KCTD16: variants seen among roughly 807,000 people sequenced by gnomAD.
KCTD16 encodes potassium channel tetramerization domain containing 16.
KCTD16 carries 13 observed loss-of-function variants against 33.2 expected under a neutral mutation model. The observed-to-expected ratio is 0.39, with a 90% confidence interval of 0.25 to 0.62. The LOEUF (loss-of-function observed/expected upper bound fraction) is 0.62, where lower values mean the gene tolerates loss of function less well. Ranked by LOEUF, KCTD16 falls within the 20% of genes least tolerant of loss-of-function variation. The pLI is 0.50. For synonymous variants in KCTD16, 197 were observed against 195.3 expected, an observed-to-expected ratio of 1.01 and a Z score of -0.07; for missense variants, 441 against 525.1, an observed-to-expected ratio of 0.84 and a Z score of 1.57.
chr5:144,429,686 C>T (rs762175099), intron 3 of KCTD16, among the ~76,000 whole-genome samples: 26 of 151,926 alleles, frequency 1.7e-4, no homozygotes, highest in Non-Finnish European at 3.1e-4. Context: ...AGAAGCTATT[C>T]CTTAAGAAAA....
At chr5:144,360,876 CTTTT>C (rs199956652) in intron 3 of KCTD16, among the ~76,000 whole-genome samples, 2 of 150,782 alleles carry the variant, frequency 1.3e-5, no homozygotes, top group African/African-American at 4.9e-5. Context: ...GTACCTCTGT[CTTTT>C]TTTTTATTTT....
rs751036918 is a variant in KCTD16, at chr5:144,482,860, T to G, written c.*8746T>G. 6.6e-6 allele frequency: 1 copy of G among 151,722 alleles called. No individual in the cohort carries two copies. 9.4% of individuals were successfully genotyped at this position (151,722 alleles called of 1,614,324 possible). A position where few individuals can be genotyped will look rare whatever the true frequency, so the allele number is the denominator to read the frequency against. The stretch of plus-strand genomic sequence containing the variant: ...ATAAACAAAGCTCATAGTTTAAAAC[T>G]TTGGAATTTTCAGTTTGGAGAACTT... On this transcript the variant is annotated 3_prime_UTR_variant, in exon 4 of 4. Coordinates refer to ENST00000512467, the MANE Select transcript of KCTD16 (RefSeq NM_020768.4).
At chr5:144,397,090 C>G (rs1752586233) in intron 3 of KCTD16, among the ~76,000 whole-genome samples, 1 of 124,488 alleles carries the variant, frequency 8.0e-6, no homozygotes, top group Non-Finnish European at 1.6e-5. Context: ...CACCCCACAA[C>G]AGGCCCCACT....
intron 3 of KCTD16, among the ~76,000 whole-genome samples, chr5:144,348,620 G>A (rs143928613): frequency 3.6e-4 from 55 of 152,148 alleles, no homozygotes; most frequent in African/African-American, 9.2e-4. Flanking sequence ...TCATTTTTCC[G>A]TGCTCACTCC....
chr5:144,318,239 C>G (rs1751977795), intron 3 of KCTD16, among the ~76,000 whole-genome samples: 1 of 152,128 alleles, frequency 6.6e-6, no homozygotes, highest in South Asian at 2.1e-4. Flanking sequence ...TATTACTTTC[C>G]TTTTGCAGCT....
At chr5:144,467,103 ATATATATAACAC>A (rs1473186107) in intron 3 of KCTD16, among the ~76,000 whole-genome samples, 4 of 141,166 alleles carry the variant, frequency 2.8e-5, no homozygotes, top group Non-Finnish European at 4.5e-5. Context: ...ATTATATATA[ATATATATAACAC>A]TATATATATT....
At chr5:144,187,786 G>A (rs1398614748) in intron 2 of KCTD16, among the ~76,000 whole-genome samples, 1 of 152,152 alleles carries the variant, frequency 6.6e-6, no homozygotes, top group Non-Finnish European at 1.5e-5. Context: ...AGTTCCAGAT[G>A]TCTTAGGTTG....
rs370400834 is a variant in KCTD16, at chr5:144,329,371, T to C, written c.832+121825T>C. ...GGGTTGGAAAAGCATAAAGAGGAGA[T>C]GGTCCTCCTGAGAGGTTTGTCTCTT... On this transcript the variant is annotated intron_variant, in intron 3 of 3. Transcript: ENST00000512467. Among the ~76,000 whole-genome samples the C allele has an allele frequency of 9.2e-5, 14 of 152,240 alleles. No individual in the cohort carries two copies. The East Asian group carries it at 1.9e-3, about 21-fold the overall frequency.
At chr5:144,340,415 A>G (rs966003277) in intron 3 of KCTD16, among the ~76,000 whole-genome samples, 43 of 151,502 alleles carry the variant, frequency 2.8e-4, no homozygotes, top group Non-Finnish European at 4.4e-4. Flanking sequence ...AAAAAAAAAA[A>G]AAAAAAAAAT....
intron 3 of KCTD16, among the ~76,000 whole-genome samples, chr5:144,387,624 C>T (rs976135227): frequency 6.6e-6 from 1 of 152,098 alleles, no homozygotes; most frequent in Non-Finnish European, 1.5e-5. Context: ...GTGCATAAGC[C>T]CCAGGCTAGG....
chr5:144,406,891 A>T (rs1752820638), intron 3 of KCTD16, among the ~76,000 whole-genome samples: 1 of 152,180 alleles, frequency 6.6e-6, no homozygotes, highest in Non-Finnish European at 1.5e-5. Context: ...CTCATTGGTC[A>T]TTCTCAGTTT....
chr5:144,427,648 TC>T (rs1381973165), intron 3 of KCTD16, among the ~76,000 whole-genome samples: 1 of 152,116 alleles, frequency 6.6e-6, no homozygotes, highest in African/African-American at 2.4e-5. Flanking sequence ...TAACACAGAT[TC>T]CTGCTATCAT....
chr5:144,246,798 C>T (rs1301686584), intron 3 of KCTD16, among the ~76,000 whole-genome samples: 2 of 152,080 alleles, frequency 1.3e-5, no homozygotes, highest in Non-Finnish European at 2.9e-5. Flanking sequence ...CTCCCCTTTT[C>T]AGGCCCTCTG....
chr5:144,471,534 G>A (rs1486482751), intron 3 of KCTD16, among the ~76,000 whole-genome samples: 4 of 152,078 alleles, frequency 2.6e-5, no homozygotes, highest in Admixed American at 6.5e-5. Context: ...TTTCTTCAGC[G>A]CAATTCATTG....
intron 3 of KCTD16, among the ~76,000 whole-genome samples, chr5:144,438,053 G>A (rs927723000): frequency 9.2e-5 from 14 of 152,050 alleles, no homozygotes; most frequent in African/African-American, 3.1e-4. Context: ...TATTGATTAC[G>A]TGTGAAATGA....
At chr5:144,412,841 A>AT (rs1239514217) in intron 3 of KCTD16, among the ~76,000 whole-genome samples, 1 of 152,152 alleles carries the variant, frequency 6.6e-6, no homozygotes, top group Non-Finnish European at 1.5e-5. Flanking sequence ...AGCCGAGATC[A>AT]TGCCACTGCA....
intron 3 of KCTD16, among the ~76,000 whole-genome samples, chr5:144,370,405 G>A (rs1266354745): frequency 2.0e-5 from 3 of 152,288 alleles, no homozygotes; most frequent in African/African-American, 7.2e-5. Context: ...AAATAGCTTT[G>A]CCTGAAAGCA....
At chr5:144,426,309 C>A (rs920978698) in intron 3 of KCTD16, among the ~76,000 whole-genome samples, 1 of 152,106 alleles carries the variant, frequency 6.6e-6, no homozygotes, top group African/African-American at 2.4e-5. Context: ...ATCAGAACAG[C>A]CTTTACTGTG....
At chr5:144,191,221 A>G (rs1752834489) in intron 2 of KCTD16, among the ~76,000 whole-genome samples, 1 of 152,206 alleles carries the variant, frequency 6.6e-6, no homozygotes, top group Non-Finnish European at 1.5e-5. Context: ...ATAAGTGAGC[A>G]AAGGGATGCT....
Sources: gnomAD v4.1 joint callset for allele counts (sites outside exome capture counted in the v4.1 genomes callset) on GRCh38, gnomAD v4.1.1 for gene constraint, MANE v1.5 for transcripts, NCBI Gene and HGNC (gene_info 2026-07-23, HGNC 2026-07-21) for gene names.